Variants in POFUT3 observed in about 807,000 individuals in gnomAD.
POFUT3 encodes the protein protein O-fucosyltransferase 3.
the POFUT3 span, among the ~76,000 whole-genome samples, chr8:33,358,021 C>T: frequency 1.3e-5 from 2 of 152,156 alleles, no homozygotes; most frequent in African/African-American, 4.8e-5. Context: ...CCAAGGCGGG[C>T]AGATCACTTG....
At chr8:33,433,931 G>T in the POFUT3 span, among the ~76,000 whole-genome samples, 1 of 150,748 alleles carries the variant, frequency 6.6e-6, no homozygotes. Context: ...TTGTGTCACT[G>T]CACTCTAGCC....
the POFUT3 span, among the ~76,000 whole-genome samples, chr8:33,344,038 C>A: frequency 6.6e-6 from 1 of 152,108 alleles, no homozygotes; most frequent in Non-Finnish European, 1.5e-5. Context: ...TTCAGCCTTC[C>A]AAAACTAACA....
the POFUT3 span, among the ~76,000 whole-genome samples, chr8:33,378,519 T>G: frequency 6.6e-6 from 1 of 152,066 alleles, no homozygotes; most frequent in Non-Finnish European, 1.5e-5. Context: ...CTGGAAAAGC[T>G]TCACCCCTGA....
chr8:33,423,976 TA>T, the POFUT3 span, among the ~76,000 whole-genome samples: 1 of 151,750 alleles, frequency 6.6e-6, no homozygotes, highest in Non-Finnish European at 1.5e-5. Context: ...CTATCTCTAC[TA>T]AAAATACAAA....
the POFUT3 span, among the ~76,000 whole-genome samples, chr8:33,326,576 G>A: frequency 3.3e-5 from 5 of 152,066 alleles, no homozygotes; most frequent in African/African-American, 9.7e-5. Flanking sequence ...TCAGGAGCTC[G>A]GGGTATTTCT....
the POFUT3 span, among the ~76,000 whole-genome samples, chr8:33,463,461 T>A: frequency 2.6e-5 from 4 of 151,304 alleles, no homozygotes; most frequent in African/African-American, 9.7e-5. Flanking sequence ...GCCGAGATTG[T>A]GCCACTGCAC....
chr8:33,313,724 A>T, the POFUT3 span, among the ~76,000 whole-genome samples: 1 of 152,188 alleles, frequency 6.6e-6, no homozygotes, highest in South Asian at 2.1e-4. Context: ...CTGAGAGCAT[A>T]GATTCAAATT....
At chr8:33,469,806 T>TG in the POFUT3 span, among the ~76,000 whole-genome samples, 7 of 118,126 alleles carry the variant, frequency 5.9e-5, no homozygotes, top group Admixed American at 3.2e-4. Flanking sequence ...ACTTTTTCTT[T>TG]TTTTTTTTTT....
At chr8:33,412,513 T>C in the POFUT3 span, among the ~76,000 whole-genome samples, 2 of 152,234 alleles carry the variant, frequency 1.3e-5, no homozygotes, top group African/African-American at 4.8e-5. Flanking sequence ...TTGCCCTGTG[T>C]CTGAGTAGAT....
chr8:33,413,769 T>C, the POFUT3 span, among the ~76,000 whole-genome samples: 2 of 152,130 alleles, frequency 1.3e-5, no homozygotes, highest in Non-Finnish European at 2.9e-5. Flanking sequence ...CAAAATAATA[T>C]ATATAATGAA....
chr8:33,349,869 A>G, the POFUT3 span, among the ~76,000 whole-genome samples: 1 of 152,196 alleles, frequency 6.6e-6, no homozygotes, highest in Non-Finnish European at 1.5e-5. Flanking sequence ...GCTGTTTTCC[A>G]TAGTAGTTGT....
At chr8:33,466,612 T>C in the POFUT3 span, among the ~76,000 whole-genome samples, 1 of 152,232 alleles carries the variant, frequency 6.6e-6, no homozygotes, top group South Asian at 2.1e-4. Flanking sequence ...TCAGGGTACA[T>C]TTATAACAGT....
the POFUT3 span, among the ~76,000 whole-genome samples, chr8:33,378,492 A>C: frequency 6.6e-6 from 1 of 152,076 alleles, no homozygotes; most frequent in East Asian, 1.9e-4. Flanking sequence ...CTGCCAAGAG[A>C]AGAAGAGGCA....
At chr8:33,434,807 G>C in the POFUT3 span, among the ~76,000 whole-genome samples, 5 of 152,142 alleles carry the variant, frequency 3.3e-5, no homozygotes, top group East Asian at 9.6e-4. Context: ...GCAGCTCCTC[G>C]CTCCCCGAGG....
chr8:33,401,255 G>T, the POFUT3 span, among the ~76,000 whole-genome samples: 1 of 152,070 alleles, frequency 6.6e-6, no homozygotes, highest in African/African-American at 2.4e-5. Context: ...CAAAGTGCTG[G>T]GATCACAGGC....
the POFUT3 span, among the ~76,000 whole-genome samples, chr8:33,445,786 G>A: frequency 6.6e-6 from 1 of 152,126 alleles, no homozygotes; most frequent in Admixed American, 6.5e-5. Context: ...CAGGTGCTGG[G>A]AAGCTGTCCC....
the POFUT3 span, among the ~76,000 whole-genome samples, chr8:33,446,418 C>T: frequency 6.7e-6 from 1 of 149,868 alleles, no homozygotes; most frequent in South Asian, 2.1e-4. Context: ...TATCACACCA[C>T]TGCACTCCAG....
At chr8:33,391,608 TGA>T in the POFUT3 span, among the ~76,000 whole-genome samples, 2 of 152,176 alleles carry the variant, frequency 1.3e-5, no homozygotes, top group Admixed American at 1.3e-4. Flanking sequence ...CTAAGCTGGC[TGA>T]GAGGCCAATG....
chr8:33,375,137 C>G, the POFUT3 span, among the ~76,000 whole-genome samples: 1 of 152,014 alleles, frequency 6.6e-6, no homozygotes, highest in Non-Finnish European at 1.5e-5. Context: ...GGTGATCCAC[C>G]TGCCTCAGCC....
Sources: allele counts gnomAD v4.1 joint callset (sites outside exome capture counted in the v4.1 genomes callset), GRCh38; gene constraint gnomAD v4.1.1; transcripts MANE v1.5; gene names NCBI Gene and HGNC (gene_info 2026-07-23, HGNC 2026-07-21).